The following MSI2 variants were observed in gnomAD, a reference collection of about 807,000 sequenced individuals.
MSI2 encodes the protein musashi RNA binding protein 2.
Under a neutral mutation model 45.6 loss-of-function variants are expected in MSI2, and 17 were observed. The ratio of observed to expected loss-of-function variants is 0.37; its 90% CI spans 0.26 to 0.56. The LOEUF is 0.56. Among genes scored for constraint, MSI2 ranks in the 20% least tolerant of loss-of-function variants. The pLI is 0.77. For missense variants in MSI2, 293 were observed against 444.2 expected, an observed-to-expected ratio of 0.66 and a Z score of 3.06; for synonymous variants, 156 against 158.2, an observed-to-expected ratio of 0.99 and a Z score of 0.11.
intron 5 of MSI2, among the ~76,000 whole-genome samples, chr17:57,287,805 T>C (rs1910057365): frequency 6.6e-6 from 1 of 152,184 alleles, no homozygotes; most frequent in Admixed American, 6.5e-5. Flanking sequence ...ATCAGAGTCC[T>C]GTGCTGGCAA....
At chr17:57,447,061 A>G (rs1047100862) in intron 6 of MSI2, among the ~76,000 whole-genome samples, 1 of 152,178 alleles carries the variant, frequency 6.6e-6, no homozygotes, top group African/African-American at 2.4e-5. Context: ...CTGCCACAGT[A>G]CAAGTTTAGA....
chr17:57,701,489 G>A, the MSI2 span, among the ~76,000 whole-genome samples: 29 of 152,162 alleles, frequency 1.9e-4, no homozygotes, highest in African/African-American at 6.8e-4. Flanking sequence ...ACCAGGAAGC[G>A]GGTGCTCACC....
chr17:57,608,585 C>T (rs545086428), intron 8 of MSI2, among the ~76,000 whole-genome samples: 1 of 152,392 alleles, frequency 6.6e-6, no homozygotes, highest in South Asian at 2.1e-4. Context: ...TGAGCCGTCG[C>T]TTGGCCCTGT....
intron 11 of MSI2, among the ~76,000 whole-genome samples, chr17:57,657,834 A>G (rs1911717435): frequency 6.6e-6 from 1 of 152,156 alleles, no homozygotes; most frequent in African/African-American, 2.4e-5. Flanking sequence ...GTTCCCAGGT[A>G]TTGCTTTCAA....
In MSI2 at chr17:57,615,953, G is replaced by A. The variant is rs766087746; in HGVS notation, c.538-17G>A. 15 of 1,581,564 alleles carry A rather than the reference G, an allele frequency of 9.5e-6. No individual in the cohort carries two copies. Among genetic ancestry groups the A allele is most frequent in the Admixed American group, 5.0e-5 (3 of 59,734 alleles). Reference sequence around the variant, plus strand: ...GAATTCATTTGCATCTCATTTGTTCGCCTTTCTGTTTAACAGGTAGAATGT... The same window carrying A: ...GAATTCATTTGCATCTCATTTGTTCACCTTTCTGTTTAACAGGTAGAATGT... On this transcript the variant is annotated splice_polypyrimidine_tract_variant and intron_variant, in intron 8 of 13. Transcript: ENST00000284073.
chr17:57,445,686 A>T (rs2084886243), intron 6 of MSI2, among the ~76,000 whole-genome samples: 2 of 152,188 alleles, frequency 1.3e-5, no homozygotes, highest in African/African-American at 4.8e-5. Context: ...TACAGTGTTT[A>T]TAAGCCGTTT....
At chr17:57,450,872 T>A (rs2085006610) in intron 6 of MSI2, among the ~76,000 whole-genome samples, 1 of 152,022 alleles carries the variant, frequency 6.6e-6, no homozygotes, top group Non-Finnish European at 1.5e-5. Context: ...CTGTCCACCC[T>A]CCTCCCAAAA....
At chr17:57,305,054 T>C (rs1911766397) in intron 5 of MSI2, among the ~76,000 whole-genome samples, 1 of 152,202 alleles carries the variant, frequency 6.6e-6, no homozygotes, top group African/African-American at 2.4e-5. Flanking sequence ...GAAGGACAGA[T>C]GCTGAAGACG....
At chr17:57,554,066 C>G (rs1367663338) in intron 7 of MSI2, among the ~76,000 whole-genome samples, 1 of 152,104 alleles carries the variant, frequency 6.6e-6, no homozygotes, top group Admixed American at 6.5e-5. Flanking sequence ...GATTAATGCT[C>G]TTTAAACCTC....
chr17:57,523,030 A>T (rs1041807955), intron 6 of MSI2: 2 of 150,464 alleles, frequency 1.3e-5, no homozygotes, highest in Non-Finnish European at 2.9e-5. Context: ...ACCTCCCTCC[A>T]TGTACCTTTG....
chr17:57,678,151 T>C (rs1302505781), intron 13 of MSI2, among the ~76,000 whole-genome samples: 1 of 152,240 alleles, frequency 6.6e-6, no homozygotes, highest in Non-Finnish European at 1.5e-5. Flanking sequence ...GGATTGCTCC[T>C]GGCTCCTGAG....
chr17:57,631,499 A>G, intron 10 of MSI2: 1 of 342,280 alleles, frequency 2.9e-6, no homozygotes, highest in Non-Finnish European at 5.3e-6. Flanking sequence ...GGCTGTGCCC[A>G]TCTTCAGAAT....
the MSI2 span, among the ~76,000 whole-genome samples, chr17:57,699,671 A>C: frequency 6.6e-6 from 1 of 152,182 alleles, no homozygotes; most frequent in Non-Finnish European, 1.5e-5. Context: ...TGGGAGATTA[A>C]ATTGTTGGGC....
intron 7 of MSI2, among the ~76,000 whole-genome samples, chr17:57,534,494 C>T (rs1281409812): frequency 1.3e-5 from 2 of 152,182 alleles, no homozygotes; most frequent in East Asian, 3.9e-4. Context: ...GGTGGATCAC[C>T]AGAGGTCAGG....
intron 8 of MSI2, among the ~76,000 whole-genome samples, chr17:57,613,020 G>A (rs1907320099): frequency 6.6e-6 from 1 of 152,146 alleles, no homozygotes; most frequent in Admixed American, 6.5e-5. Flanking sequence ...GGGCTTAGGA[G>A]AGAAACCTAA....
intron 7 of MSI2, among the ~76,000 whole-genome samples, chr17:57,594,562 C>G (rs562311123): frequency 6.6e-6 from 1 of 152,286 alleles, no homozygotes; most frequent in African/African-American, 2.4e-5. Flanking sequence ...CGGTGTGGCT[C>G]TTCTCCAGCT....
chr17:57,519,142 A>G (rs57383773), intron 6 of MSI2, among the ~76,000 whole-genome samples: 5,537 of 152,158 alleles, frequency 0.036, 321 homozygotes, highest in African/African-American at 0.13. Context: ...GCCTCCTGGG[A>G]CTGCTCCCCC....
intron 10 of MSI2, chr17:57,632,461 G>T: frequency 9.4e-7 from 1 of 1,066,106 alleles, no homozygotes; most frequent in Non-Finnish European, 1.1e-6. Context: ...GAGTCATCCA[G>T]GTGCTGCCAC....
intron 5 of MSI2, among the ~76,000 whole-genome samples, chr17:57,315,142 C>T (rs897118745): frequency 6.6e-6 from 1 of 152,072 alleles, no homozygotes; most frequent in Admixed American, 6.6e-5. Context: ...AGCAGGGGTG[C>T]GATGTGGGGT....
Sources: gnomAD v4.1 joint callset for allele counts (sites outside exome capture counted in the v4.1 genomes callset) on GRCh38, gnomAD v4.1.1 for gene constraint, MANE v1.5 for transcripts, NCBI Gene and HGNC (gene_info 2026-07-23, HGNC 2026-07-21) for gene names.